CDC42BPG: variants seen among roughly 807,000 people sequenced by gnomAD.
CDC42BPG encodes serine/threonine-protein kinase MRCK gamma.
In CDC42BPG, 157 loss-of-function variants were observed where a neutral mutation model predicts 192.2. The ratio of observed to expected loss-of-function variants is 0.82; its 90% confidence interval spans 0.72 to 0.93. The LOEUF is 0.93. Ranked by LOEUF, CDC42BPG falls within the 40% of genes least tolerant of loss-of-function variation. CDC42BPG has a pLI of 0.00. For synonymous variants in CDC42BPG, 981 were observed against 918.5 expected, an observed-to-expected ratio of 1.07 and a Z score of -1.23; for missense variants, 1,992 against 2,122.1, an observed-to-expected ratio of 0.94 and a Z score of 1.20.
intron 30 of CDC42BPG, 74 bp from the exon 31 acceptor site, chr11:64,827,857 C>T (rs1273823821): frequency 3.1e-6 from 4 of 1,288,214 alleles, no homozygotes; most frequent in Non-Finnish European, 4.3e-6. Flanking sequence ...CCTGCCACAG[C>T]ACAGTAACTA....
intron 2 of CDC42BPG, 32 bp downstream of exon 2, chr11:64,841,781 C>T (rs1226020294): frequency 6.2e-7 from 1 of 1,612,994 alleles, no homozygotes; most frequent in East Asian, 2.2e-5. Flanking sequence ...GTGTGAACAC[C>T]TCCCCCCACC....
chr11:64,827,001 T>C, intron 34 of CDC42BPG, 49 bp downstream of exon 34: 1 of 1,376,294 alleles, frequency 7.3e-7, no homozygotes, highest in Non-Finnish European at 1.0e-6. Flanking sequence ...AGGCCGGTTA[T>C]TGGCTCAGCC....
rs1351361892 is a variant in CDC42BPG, at chr11:64,836,706, TGGG to T, written c.1384+30_1384+32del. 66 of 577,064 alleles carry T rather than the reference TGGG, an allele frequency of 1.1e-4. No individual in the cohort carries two copies. The African/African-American group carries it at 1.9e-3, about 17-fold the overall frequency. 35.7% of individuals were successfully genotyped at this position (577,064 alleles called of 1,614,324 possible). A position where few individuals can be genotyped will look rare whatever the true frequency, so the allele number is the denominator to read the frequency against. On this transcript the variant is annotated intron_variant, in intron 11 of 36. Transcript: ENST00000342711. ...CCCGAGCCCAGGTGGGACTCAGCCC[TGGG>T]GGGGGGGGGGGGGTGGGCGGAAGGG...
chr11:64,843,746 G>A, intron 1 of CDC42BPG, among the ~76,000 whole-genome samples: 1 of 152,192 alleles, frequency 6.6e-6, no homozygotes, highest in South Asian at 2.1e-4. Context: ...CTCCAGCTAG[G>A]CCCCCCTCCC....
At chr11:64,826,894 C>A in intron 34 of CDC42BPG, 100 bp from the exon 35 acceptor site, 1 of 1,346,820 alleles carries the variant, frequency 7.4e-7, no homozygotes, top group South Asian at 1.5e-5. Flanking sequence ...CACTGGGCCC[C>A]CAGCCTGGTT....
In CDC42BPG at chr11:64,838,730, G is replaced by A; in HGVS notation, c.1049C>T (p.Ala350Val). 6.2e-7 allele frequency: 1 copy of A among 1,613,052 alleles called. No homozygotes were observed. The highest frequency in any genetic ancestry group is 8.5e-7 in the Non-Finnish European group (1 of 1,180,028). The change falls in exon 8 of 37, where the codon GCC becomes GTC. Residue 350 changes from alanine (A) to valine (V), a missense_variant. Ala to Val is a moderately conservative substitution (Grantham distance 64). Around this residue, in one of 2 missense-constraint regions of CDC42BPG, gnomAD observed 1,656 missense variants for 1,844.3 expected, o/e 0.90. Transcript: ENST00000342711. ...VDWERLASST[A>V]PYIPELRGPM... ...CCCCCGCAGCTCAGGAATATAGGGGGCCGTGCTGCTCGCCAGCCGCTCCCA... is the reference window on the plus strand; with the variant it reads ...CCCCCGCAGCTCAGGAATATAGGGGACCGTGCTGCTCGCCAGCCGCTCCCA...
chr11:64,835,017 T>TGGCCCCC, intron 17 of CDC42BPG, 30 bp downstream of exon 17: 9 of 1,571,926 alleles, frequency 5.7e-6, no homozygotes, highest in East Asian at 2.3e-5. Context: ...TCGCCTGCGT[T>TGGCCCCC]CCCCACCCCG....
Position 64,833,216 on chromosome 11 carries a change from G to T in CDC42BPG, c.2731+15C>A, listed in dbSNP as rs1211117017. On this transcript the variant is annotated intron_variant, in intron 24 of 36. Coordinates refer to ENST00000342711, the MANE Select transcript of CDC42BPG (RefSeq NM_017525.3). ...CTGGGACCGTGGCTGGAGCATAGTG[G>T]GTGGGGACTCTCACCATCACAACCC... The T allele has an allele frequency of 2.0e-6, 3 of 1,529,394 alleles. No homozygotes were observed. The highest frequency in any genetic ancestry group is 2.7e-6 in the Non-Finnish European group (3 of 1,128,460). The allele number at this position is 1,529,394 out of a possible 1,614,324, so 94.7% of individuals were successfully genotyped here. A position where few individuals can be genotyped will look rare whatever the true frequency, so the allele number is the denominator to read the frequency against.
rs766861112 is a variant in CDC42BPG, at chr11:64,832,915, G to A, written c.2776C>T (p.Pro926Ser). ...AGGAGGTCAGGGGGCACGGGGCAGG[G>A]TGGGGCCTGTGGGGCACAGGTTGTG... is the stretch of plus-strand genomic sequence containing the variant. ...CHTTCAPQAPPCPVPPDLLRT... is the reference protein window; with the variant it reads ...CHTTCAPQAPSCPVPPDLLRT... Residue 926 changes from proline (P) to serine (S), a missense_variant, in exon 25 of 37, where the codon CCC becomes TCC. This residue lies in a region of CDC42BPG where 1,656 missense variants were observed against 1,844.3 expected (regional missense o/e 0.90). Transcript: ENST00000342711. 3 of 1,544,420 alleles carry A rather than the reference G, an allele frequency of 1.9e-6. No homozygotes were observed. In the South Asian group the frequency reaches 3.6e-5, roughly 19 times the overall value.
In CDC42BPG at chr11:64,836,107, G is replaced by A; in HGVS notation, c.1668+10C>T. On this transcript the variant is annotated intron_variant, in intron 13 of 36. Coordinates refer to ENST00000342711, the MANE Select transcript of CDC42BPG (RefSeq NM_017525.3). ...CCCAGGTGCTGTCCCTACCCACCCT[G>A]GTCACTCACCTCCCTCTGGGCAGCC... is the stretch of plus-strand genomic sequence containing the variant. 3 of 1,593,438 alleles carry A rather than the reference G, an allele frequency of 1.9e-6. No individual in the cohort carries two copies. Among genetic ancestry groups the A allele is most frequent in the Non-Finnish European group, 2.6e-6 (3 of 1,171,996 alleles).
intron 5 of CDC42BPG, 101 bp from the exon 6 acceptor site, chr11:64,839,672 G>A (rs1943191815): frequency 3.3e-6 from 3 of 898,064 alleles, no homozygotes; most frequent in Non-Finnish European, 5.1e-6. Flanking sequence ...GCCAGCACCA[G>A]CTCACACACA....
In CDC42BPG at chr11:64,835,333, T is replaced by G; in HGVS notation, c.1953+14A>C. On this transcript the variant is annotated intron_variant, in intron 16 of 36. Transcript: ENST00000342711. ...TCCGTCTGTTGTACCCTCCGTCTGT[T>G]GTACCCTGCTCACCCGCTCCTGCTC... is the stretch of plus-strand genomic sequence containing the variant. The G allele has an allele frequency of 6.2e-7, 1 of 1,613,444 alleles. No individual in the cohort carries two copies. The highest frequency in any genetic ancestry group is 8.5e-7 in the Non-Finnish European group (1 of 1,179,484).
At chr11:64,828,547 C>T (rs1028178255) in intron 30 of CDC42BPG, among the ~76,000 whole-genome samples, 2 of 152,218 alleles carry the variant, frequency 1.3e-5, no homozygotes, top group African/African-American at 4.8e-5. Flanking sequence ...CCACAGCAAT[C>T]GCAGCGGTTA....
At chr11:64,832,277 G>T (rs781072491) in intron 27 of CDC42BPG, 151 bp downstream of exon 27, 3 of 823,612 alleles carry the variant, frequency 3.6e-6, no homozygotes, top group Non-Finnish European at 6.1e-6. Flanking sequence ...GATCCTAAAC[G>T]AGGTGAGACC....
chr11:64,836,720 G>GGGGGGGGGGGGGAA lies in CDC42BPG; in HGVS notation c.1384+18_1384+19insTTCCCCCCCCCCCC. The GGGGGGGGGGGGGAA allele has an allele frequency of 1.2e-6, 1 of 843,824 alleles. No individual in the cohort carries two copies. Among genetic ancestry groups the GGGGGGGGGGGGGAA allele is most frequent in the Non-Finnish European group, 1.7e-6 (1 of 584,548 alleles). The allele number at this position is 843,824 out of a possible 1,614,324, so 52.3% of individuals were successfully genotyped here. A position where few individuals can be genotyped will look rare whatever the true frequency, so the allele number is the denominator to read the frequency against. On this transcript the variant is annotated intron_variant, in intron 11 of 36. Coordinates refer to ENST00000342711, the MANE Select transcript of CDC42BPG (RefSeq NM_017525.3). ...GGACTCAGCCCTGGGGGGGGGGGGG[G>GGGGGGGGGGGGGAA]GGTGGGCGGAAGGGATACCTGGCAG...
intron 9 of CDC42BPG, among the ~76,000 whole-genome samples, chr11:64,837,770 C>T (rs776269718): frequency 1.3e-5 from 2 of 152,206 alleles, no homozygotes; most frequent in Non-Finnish European, 2.9e-5. Flanking sequence ...TCCATCCCAC[C>T]CATTTTACAG....
At chr11:64,832,296 T>C (rs1942731141) in intron 27 of CDC42BPG, 132 bp downstream of exon 27, 3 of 932,082 alleles carry the variant, frequency 3.2e-6, no homozygotes, top group Non-Finnish European at 5.1e-6. Context: ...CCGGGCCAGG[T>C]GCTCACGTGG....
Position 64,835,351 on chromosome 11 carries a change from T to C in CDC42BPG, c.1949A>G (p.Glu650Gly). The change falls in exon 16 of 37, where the codon GAG becomes GGG. Residue 650 changes from glutamate (E) to glycine (G), a missense_variant. Physicochemically the swap from Glu to Gly is moderately conservative, Grantham distance 98 (BLOSUM62 -2). Around this residue, in one of 2 missense-constraint regions of CDC42BPG, gnomAD observed 1,656 missense variants for 1,844.3 expected, o/e 0.90. Coordinates refer to ENST00000342711, the MANE Select transcript of CDC42BPG (RefSeq NM_017525.3). ...CGTCTGTTGTACCCTGCTCACCCGC[T>C]CCTGCTCCCGGCTCAGCCTCCGGTT... ...EENRRLSREQ[E>G]RLEAELAQEQ... 6.2e-7 allele frequency: 1 copy of C among 1,613,982 alleles called. No homozygotes were observed. Among genetic ancestry groups the C allele is most frequent in the Non-Finnish European group, 8.5e-7 (1 of 1,180,014 alleles).
chr11:64,827,252 T>A, intron 33 of CDC42BPG, 26 bp downstream of exon 33: 1 of 1,613,210 alleles, frequency 6.2e-7, no homozygotes, highest in Non-Finnish European at 8.5e-7. Context: ...CCACCCAGCC[T>A]CAGCCCCCGC....
Sources: gnomAD v4.1 joint callset for allele counts (sites outside exome capture counted in the v4.1 genomes callset) on GRCh38, gnomAD v4.1.1 for gene constraint, gnomAD v4.1.1 regional missense constraint, MANE v1.5 for transcripts, NCBI Gene and HGNC (gene_info 2026-07-23, HGNC 2026-07-21) for gene names.